VAMP7: variants seen among roughly 807,000 people sequenced by gnomAD.
The protein encoded by VAMP7 is vesicle-associated membrane protein 7.
In VAMP7, 14 loss-of-function variants were observed where a neutral mutation model predicts 29.6. That is an observed-to-expected ratio of 0.47 (90% CI 0.31 to 0.74). The LOEUF is 0.74. Ranked by LOEUF, VAMP7 falls within the 30% of genes least tolerant of loss-of-function variation. The pLI is 0.05. For missense variants in VAMP7, 223 were observed against 262.4 expected (o/e 0.85, Z 1.04); for synonymous variants, 95 against 88.1 (o/e 1.08, Z -0.44).
chrX:155,907,341 T>C (rs945814086), intron 5 of VAMP7, among the ~76,000 whole-genome samples: 1 of 152,068 alleles, frequency 6.6e-6, no homozygotes, highest in African/African-American at 2.4e-5. Flanking sequence ...GGCAGGGTCA[T>C]GGGACAATAG....
At chrX:155,881,690 G>A (rs1324886212) in intron 1 of VAMP7, among the ~76,000 whole-genome samples, 2 of 152,084 alleles carry the variant, frequency 1.3e-5, no homozygotes, top group African/African-American at 2.4e-5. Flanking sequence ...CATTACAGGA[G>A]GGAAAAAATG....
At chrX:155,895,986 G>T (rs147878932) in intron 3 of VAMP7, among the ~76,000 whole-genome samples, 104 of 152,294 alleles carry the variant, frequency 6.8e-4, no homozygotes, top group East Asian at 5.8e-3. Flanking sequence ...ATGATCTGAG[G>T]TGGAACAGTT....
At chrX:155,906,748 A>G (rs375295529) in intron 5 of VAMP7, among the ~76,000 whole-genome samples, 2 of 152,168 alleles carry the variant, frequency 1.3e-5, no homozygotes, top group African/African-American at 2.4e-5. Context: ...GAATCATGCT[A>G]CTTGCAAATA....
At chrX:155,929,539 G>A (rs1259085889) in intron 6 of VAMP7, among the ~76,000 whole-genome samples, 1 of 152,006 alleles carries the variant, frequency 6.6e-6, no homozygotes. Context: ...CATAGCTCAG[G>A]CTGCTCTGAG....
chrX:155,933,037 A>C (rs2066588100), intron 6 of VAMP7, among the ~76,000 whole-genome samples: 1 of 152,146 alleles, frequency 6.6e-6, no homozygotes, highest in Non-Finnish European at 1.5e-5. Context: ...CCAGCCTTGC[A>C]TCCCAGGGAT....
intron 5 of VAMP7, among the ~76,000 whole-genome samples, chrX:155,914,460 C>A (rs2066282402): frequency 6.6e-6 from 1 of 152,108 alleles, no homozygotes; most frequent in African/African-American, 2.4e-5. Flanking sequence ...GGGAATACTT[C>A]CAGCTTTTGC....
At chrX:155,931,461 G>C (rs1373398839) in intron 6 of VAMP7, among the ~76,000 whole-genome samples, 2 of 152,212 alleles carry the variant, frequency 1.3e-5, no homozygotes, top group African/African-American at 2.4e-5. Flanking sequence ...CTGATGGCCA[G>C]TGATGATGAG....
At chrX:155,895,297 C>T (rs1300193871) in intron 2 of VAMP7, among the ~76,000 whole-genome samples, 5 of 152,176 alleles carry the variant, frequency 3.3e-5, no homozygotes, top group African/African-American at 9.7e-5. Context: ...GGGGGTTAAT[C>T]TTAATTACAT....
chrX:155,906,914 C>G (rs1287616938), intron 5 of VAMP7, among the ~76,000 whole-genome samples: 1 of 152,134 alleles, frequency 6.6e-6, no homozygotes, highest in Non-Finnish European at 1.5e-5. Context: ...CTTGAAGAAT[C>G]TTCCACAATT....
At chrX:155,917,173 C>T (rs1356852361) in intron 5 of VAMP7, among the ~76,000 whole-genome samples, 1 of 152,162 alleles carries the variant, frequency 6.6e-6, no homozygotes, top group Admixed American at 6.5e-5. Context: ...TTGTATGCTT[C>T]ACAAAGTTCT....
At chrX:155,932,871 C>T (rs1425094340) in intron 6 of VAMP7, among the ~76,000 whole-genome samples, 8 of 152,062 alleles carry the variant, frequency 5.3e-5, no homozygotes, top group Admixed American at 2.6e-4. Flanking sequence ...TTTTGAAATA[C>T]GTCCCATCAA....
chrX:155,892,783 G>C (rs146187436), intron 2 of VAMP7, among the ~76,000 whole-genome samples: 2,958 of 151,066 alleles, frequency 0.02, 112 homozygotes, highest in African/African-American at 0.068. Flanking sequence ...ACGAAGTTTC[G>C]CTTTTGTTGC....
intron 6 of VAMP7, among the ~76,000 whole-genome samples, chrX:155,925,984 C>CT (rs1413375562): frequency 6.6e-6 from 1 of 151,986 alleles, no homozygotes; most frequent in Non-Finnish European, 1.5e-5. Context: ...TGAAAGGAAT[C>CT]TTTTCTTTTT....
intron 2 of VAMP7, among the ~76,000 whole-genome samples, chrX:155,891,745 C>T (rs1356237101): frequency 6.6e-6 from 1 of 152,190 alleles, no homozygotes; most frequent in Non-Finnish European, 1.5e-5. Context: ...CTTTGTTCTC[C>T]AGGAAGTTTT....
intron 1 of VAMP7, among the ~76,000 whole-genome samples, chrX:155,887,244 G>A (rs1268620981): frequency 6.7e-6 from 1 of 150,266 alleles, no homozygotes; most frequent in Admixed American, 6.6e-5. Context: ...TTTTTTTTCT[G>A]TATGCAATAT....
At chrX:155,934,854 A>G (rs983442640) in intron 6 of VAMP7, among the ~76,000 whole-genome samples, 2 of 144,646 alleles carry the variant, frequency 1.4e-5, no homozygotes, top group Non-Finnish European at 3.0e-5. Flanking sequence ...GTTCCTTTCC[A>G]TGTTTAGTGC....
intron 6 of VAMP7, among the ~76,000 whole-genome samples, chrX:155,934,104 A>T (rs1370224282): frequency 2.0e-5 from 3 of 152,142 alleles, no homozygotes; most frequent in Non-Finnish European, 4.4e-5. Context: ...TTTGCTGAGG[A>T]GTGCTTTACT....
chrX:155,941,891 C>T lies in VAMP7; in HGVS notation c.603C>T (p.Ile201=), dbSNP rs1336186861. 2.5e-6 allele frequency: 4 copies of T among 1,613,522 alleles called. No homozygotes were observed. The highest frequency in any genetic ancestry group is 1.1e-5 in the South Asian group (1 of 91,028). Residue 201 remains isoleucine (I), a synonymous_variant, in exon 8 of 8, where the codon ATC becomes ATT. Coordinates refer to ENST00000286448, the MANE Select transcript of VAMP7 (RefSeq NM_005638.6). The part of the protein sequence containing the change: ...IIIIIVSIVF[I]YIIVSPLCGG... ...TCTCCTCGTCCCTCCAGGTGTTCAT[C>T]TATATCATTGTTTCACCTCTCTGTG...
At chrX:155,918,789 A>G (rs2066350679) in intron 5 of VAMP7, among the ~76,000 whole-genome samples, 1 of 152,152 alleles carries the variant, frequency 6.6e-6, no homozygotes, top group African/African-American at 2.4e-5. Context: ...GTTGAATTTT[A>G]TCAAATGCTT....
Sources: allele counts gnomAD v4.1 joint callset (sites outside exome capture counted in the v4.1 genomes callset), GRCh38; gene constraint gnomAD v4.1.1; transcripts MANE v1.5; gene names NCBI Gene and HGNC (gene_info 2026-07-23, HGNC 2026-07-21).